YAP1: variants seen among roughly 807,000 people sequenced by gnomAD.
YAP1 encodes the protein Yes1 associated transcriptional regulator.
A neutral mutation model predicts 56.9 loss-of-function variants in YAP1; 5 were observed. The ratio of observed to expected loss-of-function variants is 0.09; its 90% confidence interval spans 0.05 to 0.18. The LOEUF (loss-of-function observed/expected upper bound fraction) is 0.18. Ranked by LOEUF, YAP1 falls within the 10% of genes least tolerant of loss-of-function variation. The pLI is 1.00. For missense variants in YAP1, 539 were observed against 651.8 expected (o/e 0.83, Z 1.88); for synonymous variants, 265 against 248.1 (o/e 1.07, Z -0.64).
chr11:102,191,097 T>C lies in YAP1; in HGVS notation c.802+4966T>C, dbSNP rs944574309. On this transcript the variant is annotated intron_variant, in intron 4 of 8. Transcript: ENST00000282441. ...CTGAGGCAGGAGAATCGCTTGAACCTGGGAGGCAGAGGTTGCAGTGAGCCC... is the reference window on the plus strand; with the variant it reads ...CTGAGGCAGGAGAATCGCTTGAACCCGGGAGGCAGAGGTTGCAGTGAGCCC... 2.6e-5 allele frequency among the ~76,000 whole-genome samples: 4 copies of C among 151,266 alleles called. No homozygotes were observed. In the South Asian group the frequency reaches 8.4e-4, roughly 32 times the overall value.
chr11:102,210,165 T>C (rs961442848), intron 6 of YAP1, among the ~76,000 whole-genome samples: 2 of 152,206 alleles, frequency 1.3e-5, no homozygotes, highest in African/African-American at 4.8e-5. Context: ...GGAAAGATTG[T>C]GGCCAATTTT....
intron 3 of YAP1, among the ~76,000 whole-genome samples, chr11:102,162,808 T>G (rs73582018): frequency 0.015 from 2,355 of 152,284 alleles, 63 homozygotes; most frequent in African/African-American, 0.054. Flanking sequence ...TCTTTAAGAT[T>G]TGGTTCTGAA....
chr11:102,117,952 C>A (rs1565421912), intron 2 of YAP1, among the ~76,000 whole-genome samples: 2 of 152,148 alleles, frequency 1.3e-5, no homozygotes, highest in African/African-American at 4.8e-5. Flanking sequence ...CAACAACTTC[C>A]TATTTCTTTA....
chr11:102,126,060 G>A (rs1180910366), intron 2 of YAP1, among the ~76,000 whole-genome samples: 3 of 152,042 alleles, frequency 2.0e-5, no homozygotes, highest in Admixed American at 2.0e-4. Flanking sequence ...TATGTCATGT[G>A]TTTGAATCCA....
chr11:102,133,838 A>G (rs1944515740), intron 2 of YAP1, among the ~76,000 whole-genome samples: 1 of 152,128 alleles, frequency 6.6e-6, no homozygotes, highest in African/African-American at 2.4e-5. Flanking sequence ...AACGAGAGAA[A>G]TTTATTTCTT....
At chr11:102,120,852 G>T (rs1943605831) in intron 2 of YAP1, among the ~76,000 whole-genome samples, 2 of 152,216 alleles carry the variant, frequency 1.3e-5, no homozygotes, top group Admixed American at 6.5e-5. Context: ...AGTATAGAAA[G>T]TTGCTTGAAA....
intron 4 of YAP1, among the ~76,000 whole-genome samples, chr11:102,198,147 A>G (rs1028280866): frequency 6.6e-6 from 1 of 152,196 alleles, no homozygotes; most frequent in East Asian, 1.9e-4. Context: ...TTTCTCTTAC[A>G]TAATTTTGTG....
chr11:102,184,114 T>A (rs1947815927), intron 3 of YAP1, among the ~76,000 whole-genome samples: 1 of 149,762 alleles, frequency 6.7e-6, no homozygotes, highest in Admixed American at 6.7e-5. Flanking sequence ...CAATGAGATC[T>A]TGGGGTTGTT....
At chr11:102,133,359 G>A (rs1944483098) in intron 2 of YAP1, among the ~76,000 whole-genome samples, 1 of 152,012 alleles carries the variant, frequency 6.6e-6, no homozygotes, top group Non-Finnish European at 1.5e-5. Context: ...GTACAGTGGC[G>A]ATGTCAGCTC....
At chr11:102,174,533 G>A (rs1344927546) in intron 3 of YAP1, among the ~76,000 whole-genome samples, 6 of 151,620 alleles carry the variant, frequency 4.0e-5, no homozygotes, top group Admixed American at 1.3e-4. Flanking sequence ...AGATTGTGCC[G>A]AGATTGCGCC....
At chr11:102,155,265 A>AT (rs1263495977) in intron 2 of YAP1, among the ~76,000 whole-genome samples, 1 of 152,162 alleles carries the variant, frequency 6.6e-6, no homozygotes, top group Non-Finnish European at 1.5e-5. Context: ...AGTAAAATAG[A>AT]TTTTTTATAT....
intron 6 of YAP1, among the ~76,000 whole-genome samples, chr11:102,219,320 G>A (rs191496800): frequency 2.0e-5 from 3 of 152,250 alleles, no homozygotes; most frequent in Admixed American, 6.5e-5. Context: ...GCCTTAGGGG[G>A]TACAGCAAAA....
rs1035482295 is a variant in YAP1, at chr11:102,157,620, T to C, written c.573-4836T>C. On this transcript the variant is annotated intron_variant, in intron 2 of 8. Coordinates refer to ENST00000282441, the MANE Select transcript of YAP1 (RefSeq NM_001130145.3). ...TCAATTTTTCTTAATAAAAAAAGAT[T>C]GTTTAGTTGGTCATTTGATTTCTCA... Among the ~76,000 whole-genome samples, 6 of 152,342 alleles carry C rather than the reference T, an allele frequency of 3.9e-5. No homozygotes were observed. In the East Asian group the frequency reaches 1.2e-3, roughly 29 times the overall value.
intron 1 of YAP1, chr11:102,112,740 T>A: frequency 2.0e-6 from 2 of 985,398 alleles, no homozygotes; most frequent in Non-Finnish European, 2.4e-6. Flanking sequence ...CTTCAATTTG[T>A]CTTAGGTATG....
At chr11:102,173,577 G>T (rs1202941076) in intron 3 of YAP1, among the ~76,000 whole-genome samples, 3 of 152,136 alleles carry the variant, frequency 2.0e-5, no homozygotes, top group Non-Finnish European at 4.4e-5. Flanking sequence ...GCCATGACCT[G>T]TGTCAAACAC....
At chr11:102,196,384 A>G (rs1156448957) in intron 4 of YAP1, among the ~76,000 whole-genome samples, 3 of 152,222 alleles carry the variant, frequency 2.0e-5, no homozygotes, top group African/African-American at 4.8e-5. Context: ...TTATTTGGCA[A>G]TTAAAGGGAA....
At chr11:102,187,111 C>A (rs1402084752) in intron 4 of YAP1, among the ~76,000 whole-genome samples, 1 of 152,128 alleles carries the variant, frequency 6.6e-6, no homozygotes, top group Non-Finnish European at 1.5e-5. Flanking sequence ...CATGAAAACA[C>A]AACCCTGCGG....
At chr11:102,142,965 G>A (rs953927337) in intron 2 of YAP1, among the ~76,000 whole-genome samples, 2 of 152,040 alleles carry the variant, frequency 1.3e-5, no homozygotes, top group East Asian at 3.9e-4. Context: ...GTCTCTTAAC[G>A]TGTGTTACCT....
intron 6 of YAP1, among the ~76,000 whole-genome samples, chr11:102,220,310 A>C (rs1949862030): frequency 2.0e-5 from 3 of 152,172 alleles, no homozygotes; most frequent in African/African-American, 7.2e-5. Context: ...CAACTGACCA[A>C]GAACAAAACA....
Sources: allele counts gnomAD v4.1 joint callset (sites outside exome capture counted in the v4.1 genomes callset), GRCh38; gene constraint gnomAD v4.1.1; transcripts MANE v1.5; gene names NCBI Gene and HGNC (gene_info 2026-07-23, HGNC 2026-07-21).